TEKTL1: variants seen among roughly 807,000 people sequenced by gnomAD.
TEKTL1 encodes the protein tektin like 1.
the TEKTL1 span, chr19:15,022,935 C>A: frequency 3.1e-6 from 5 of 1,611,282 alleles, no homozygotes; most frequent in African/African-American, 4.0e-5. Context: ...CTGCTCGCCA[C>A]GCACAAGAAC....
At chr19:15,021,448 C>T in the TEKTL1 span, 6 of 1,614,140 alleles carry the variant, frequency 3.7e-6, no homozygotes, top group African/African-American at 8.0e-5. Flanking sequence ...CGTCCGGGAG[C>T]AACAGCTGCA....
the TEKTL1 span, among the ~76,000 whole-genome samples, chr19:15,012,648 GA>G: frequency 1.4e-3 from 215 of 152,142 alleles, no homozygotes; most frequent in African/African-American, 4.8e-3. Context: ...CCAAGGAGAT[GA>G]GATCCTCAGC....
At chr19:15,021,438 C>T in the TEKTL1 span, 2 of 1,614,104 alleles carry the variant, frequency 1.2e-6, no homozygotes, top group Admixed American at 3.3e-5. Flanking sequence ...ACGAGGTGGA[C>T]GTCCGGGAGC....
At chr19:15,011,001 C>G in the TEKTL1 span, 1 of 1,588,884 alleles carries the variant, frequency 6.3e-7, no homozygotes, top group Non-Finnish European at 8.5e-7. Context: ...CCGAACGTGG[C>G]CCACCACCTC....
At chr19:15,016,245 CGTGGCGTGA>C in the TEKTL1 span, among the ~76,000 whole-genome samples, 1 of 130,744 alleles carries the variant, frequency 7.6e-6, no homozygotes, top group Non-Finnish European at 1.5e-5. Flanking sequence ...AGTGCAGTGG[CGTGGCGTGA>C]TCGCAGCTCA....
the TEKTL1 span, chr19:15,020,476 C>G: frequency 6.2e-7 from 1 of 1,613,142 alleles, no homozygotes; most frequent in Non-Finnish European, 8.5e-7. Flanking sequence ...GGCCTCCTGC[C>G]GAGACACTCT....
At chr19:15,010,885 A>G in the TEKTL1 span, 1 of 1,562,972 alleles carries the variant, frequency 6.4e-7, no homozygotes, top group East Asian at 2.4e-5. Context: ...GGGCCCCAGC[A>G]TGGCGCGAGG....
chr19:15,017,800 C>T, the TEKTL1 span, among the ~76,000 whole-genome samples: 1,596 of 152,196 alleles, frequency 0.01, 36 homozygotes, highest in African/African-American at 0.037. Flanking sequence ...CTCCCCTCAC[C>T]CCACCCCCAA....
At chr19:15,023,202 C>G in the TEKTL1 span, 1 of 1,291,056 alleles carries the variant, frequency 7.7e-7, no homozygotes, top group South Asian at 1.5e-5. Flanking sequence ...ATGGCCCTCC[C>G]TCTCCCCTGA....
chr19:15,016,472 C>A, the TEKTL1 span, among the ~76,000 whole-genome samples: 1 of 152,162 alleles, frequency 6.6e-6, no homozygotes, highest in Admixed American at 6.5e-5. Context: ...CAGGCATGAG[C>A]CACTGCGCCC....
At chr19:15,011,027 A>G in the TEKTL1 span, 1 of 1,580,990 alleles carries the variant, frequency 6.3e-7, no homozygotes, top group Non-Finnish European at 8.6e-7. Context: ...CGCCGCCTAC[A>G]TCCAGCCCTG....
the TEKTL1 span, chr19:15,023,098 C>A: frequency 1.2e-6 from 2 of 1,607,292 alleles, no homozygotes; most frequent in Non-Finnish European, 1.7e-6. Context: ...CGCCGCGCAG[C>A]AAGAGCAGCG....
chr19:15,012,999 C>A, the TEKTL1 span, among the ~76,000 whole-genome samples: 9 of 152,034 alleles, frequency 5.9e-5, no homozygotes, highest in Admixed American at 5.9e-4. Context: ...CCCCAGGCCT[C>A]GTCTGTGGTG....
At chr19:15,022,432 G>A in the TEKTL1 span, among the ~76,000 whole-genome samples, 6 of 151,984 alleles carry the variant, frequency 3.9e-5, no homozygotes, top group Admixed American at 3.9e-4. Flanking sequence ...GGGTTCAAGC[G>A]ATTCTCCTGC....
At chr19:15,022,820 G>A in the TEKTL1 span, 528 of 1,510,494 alleles carry the variant, frequency 3.5e-4, 2 homozygotes, top group African/African-American at 6.9e-3. Context: ...GCCTTCCCAC[G>A]CCAGGTAGCC....
the TEKTL1 span, chr19:15,011,359 C>A: frequency 1.4e-6 from 2 of 1,452,644 alleles, no homozygotes; most frequent in Non-Finnish European, 1.8e-6. Context: ...ACCAGCAGAG[C>A]GTCAAGCTGC....
At chr19:15,017,141 G>A in the TEKTL1 span, among the ~76,000 whole-genome samples, 4 of 152,200 alleles carry the variant, frequency 2.6e-5, no homozygotes, top group African/African-American at 9.7e-5. Flanking sequence ...AGGATCTCTT[G>A]AGCCCAGGAG....
At chr19:15,020,586 C>T in the TEKTL1 span, 22 of 1,614,154 alleles carry the variant, frequency 1.4e-5, no homozygotes, top group East Asian at 2.2e-5. Context: ...GGGTGAACCT[C>T]TCCCGAGCCC....
chr19:15,020,563 A>G, the TEKTL1 span: 1 of 1,614,072 alleles, frequency 6.2e-7, no homozygotes, highest in South Asian at 1.1e-5. Context: ...GGAGCAGGCC[A>G]GACGCCACTC....
Sources: allele counts gnomAD v4.1 joint callset (sites outside exome capture counted in the v4.1 genomes callset), GRCh38; gene constraint gnomAD v4.1.1; transcripts MANE v1.5; gene names NCBI Gene and HGNC (gene_info 2026-07-23, HGNC 2026-07-21).